DLGAP2: variants seen among roughly 807,000 people sequenced by gnomAD.
The protein encoded by DLGAP2 is DLG associated protein 2, also known as disks large-associated protein 2.
A neutral mutation model predicts 100.3 loss-of-function variants in DLGAP2; 26 were observed. The ratio of observed to expected loss-of-function variants is 0.26; its 90% CI spans 0.19 to 0.36. DLGAP2 has a LOEUF of 0.36. DLGAP2 is among the 10% of genes least tolerant of loss of function. The pLI, the probability that DLGAP2 is intolerant of heterozygous loss-of-function variation, is 1.00. For missense variants in DLGAP2, 1,858 were observed against 1,453.2 expected, an observed-to-expected ratio of 1.28 and a Z score of -4.53; for synonymous variants, 886 against 630.1, an observed-to-expected ratio of 1.41 and a Z score of -6.08.
At chr8:744,471 G>C (rs376128642) in intron 1 of DLGAP2, among the ~76,000 whole-genome samples, 1 of 152,004 alleles carries the variant, frequency 6.6e-6, no homozygotes, top group Non-Finnish European at 1.5e-5. Context: ...CCCAACCTGC[G>C]TCCCTCCCTC....
At chr8:916,876 G>A (rs145995127) in intron 2 of DLGAP2, among the ~76,000 whole-genome samples, 6 of 152,310 alleles carry the variant, frequency 3.9e-5, no homozygotes, top group African/African-American at 1.4e-4. Flanking sequence ...CTAGAGAGCT[G>A]CGTTGAGACC....
At chr8:1,553,998 T>A (rs1801871078) in intron 5 of DLGAP2, among the ~76,000 whole-genome samples, 1 of 152,200 alleles carries the variant, frequency 6.6e-6, no homozygotes. Context: ...TTAAAAGGCT[T>A]GTCACAGGGC....
At chr8:1,591,952 G>A (rs1169434007) in intron 6 of DLGAP2, among the ~76,000 whole-genome samples, 2 of 152,222 alleles carry the variant, frequency 1.3e-5, no homozygotes, top group African/African-American at 4.8e-5. Context: ...GGAGGAGGTG[G>A]CATGCAGACA....
intron 2 of DLGAP2, among the ~76,000 whole-genome samples, chr8:1,027,678 G>T (rs1335261465): frequency 6.8e-6 from 1 of 147,460 alleles, no homozygotes; most frequent in African/African-American, 2.5e-5. Context: ...TCCAGCTGGG[G>T]TGCCAGGCGC....
At chr8:1,338,881 G>GGGAGGGAAT (rs1370124629) in intron 3 of DLGAP2, among the ~76,000 whole-genome samples, 6,902 of 127,756 alleles carry the variant, frequency 0.054, 1,492 homozygotes, top group Non-Finnish European at 0.063. Context: ...GTCAGGACCT[G>GGGAGGGAAT]GCAGGGAATG....
At chr8:856,408 A>G (rs1013445267) in intron 1 of DLGAP2, among the ~76,000 whole-genome samples, 5 of 152,094 alleles carry the variant, frequency 3.3e-5, no homozygotes, top group African/African-American at 1.2e-4. Flanking sequence ...GGCTGATCTC[A>G]AACTGCTGAC....
At chr8:1,182,846 G>A (rs567027228) in intron 2 of DLGAP2, among the ~76,000 whole-genome samples, 2 of 152,318 alleles carry the variant, frequency 1.3e-5, no homozygotes, top group Non-Finnish European at 1.5e-5. Flanking sequence ...GACGGACTCC[G>A]CAGCCTGTGG....
intron 3 of DLGAP2, among the ~76,000 whole-genome samples, chr8:1,418,384 A>G (rs1446598447): frequency 6.6e-6 from 1 of 152,242 alleles, no homozygotes; most frequent in Non-Finnish European, 1.5e-5. Flanking sequence ...TTAAAAAAGT[A>G]TAGCTAATTA....
intron 3 of DLGAP2, among the ~76,000 whole-genome samples, chr8:1,443,109 T>C (rs574009922): frequency 5.8e-4 from 88 of 152,230 alleles, no homozygotes; most frequent in Non-Finnish European, 1.1e-3. Context: ...GGAAAGTATG[T>C]AGTTAAAAAA....
intron 1 of DLGAP2, among the ~76,000 whole-genome samples, chr8:786,355 G>T (rs1363931429): frequency 6.6e-6 from 1 of 152,170 alleles, no homozygotes; most frequent in Non-Finnish European, 1.5e-5. Context: ...CGAGACACTG[G>T]CGTGGTGCTT....
intron 3 of DLGAP2, among the ~76,000 whole-genome samples, chr8:1,276,367 G>A (rs985936519): frequency 5.9e-5 from 9 of 151,924 alleles, no homozygotes; most frequent in Non-Finnish European, 1.2e-4. Flanking sequence ...ATTCGCGTCG[G>A]GCACTATCAG....
At chr8:1,282,889 C>T (rs7817854) in intron 3 of DLGAP2, among the ~76,000 whole-genome samples, 9 of 100,576 alleles carry the variant, frequency 8.9e-5, no homozygotes, top group East Asian at 3.9e-4. Context: ...CTGAACCATC[C>T]GGACGTGGTG....
chr8:1,277,015 A>C (rs2116941307), intron 3 of DLGAP2, among the ~76,000 whole-genome samples: 1 of 152,272 alleles, frequency 6.6e-6, no homozygotes, highest in African/African-American at 2.4e-5. Flanking sequence ...ACTGTGATTT[A>C]CTGAATTGGT....
intron 3 of DLGAP2, among the ~76,000 whole-genome samples, chr8:1,338,345 C>A (rs1801336039): frequency 6.6e-6 from 1 of 152,178 alleles, no homozygotes; most frequent in South Asian, 2.1e-4. Flanking sequence ...GGAGCCCACA[C>A]CACATACAGA....
intron 4 of DLGAP2, among the ~76,000 whole-genome samples, chr8:1,517,006 G>C (rs1225496547): frequency 6.6e-6 from 1 of 152,092 alleles, no homozygotes; most frequent in Admixed American, 6.5e-5. Context: ...CAGCCCCAGG[G>C]TGCAGAGGTG....
intron 2 of DLGAP2, among the ~76,000 whole-genome samples, chr8:1,021,426 G>A (rs972819757): frequency 3.3e-5 from 5 of 152,112 alleles, no homozygotes; most frequent in Admixed American, 6.5e-5. Context: ...TGTTTGACTC[G>A]AGCAAAGGCA....
At chr8:1,281,397 G>C (rs1799810912) in intron 3 of DLGAP2, among the ~76,000 whole-genome samples, 1 of 152,138 alleles carries the variant, frequency 6.6e-6, no homozygotes. Context: ...TAGTCCCTTA[G>C]GCGCCCCCAG....
At chr8:1,559,340 G>T (rs1225948384) in intron 5 of DLGAP2, among the ~76,000 whole-genome samples, 1 of 152,184 alleles carries the variant, frequency 6.6e-6, no homozygotes, top group Non-Finnish European at 1.5e-5. Flanking sequence ...TGGGCTGAGG[G>T]CTGCAGGGTT....
intron 2 of DLGAP2, among the ~76,000 whole-genome samples, chr8:1,212,743 ACC>A (rs1491456137): frequency 7.0e-6 from 1 of 142,602 alleles, no homozygotes; most frequent in Non-Finnish European, 1.5e-5. Context: ...TTTTGCCAAG[ACC>A]TCTCTCTCTC....
Sources: gnomAD v4.1 joint callset for allele counts (sites outside exome capture counted in the v4.1 genomes callset) on GRCh38, gnomAD v4.1.1 for gene constraint, MANE v1.5 for transcripts, NCBI Gene and HGNC (gene_info 2026-07-23, HGNC 2026-07-21) for gene names.